The following CFAP20DC variants were observed in gnomAD, a reference collection of about 807,000 sequenced individuals.
CFAP20DC encodes the protein CFAP20 domain containing, also known as protein CFAP20DC.
Under a neutral mutation model 101.7 loss-of-function variants are expected in CFAP20DC, and 84 were observed. The ratio of observed to expected loss-of-function variants is 0.83; its 90% CI spans 0.69 to 0.99. The LOEUF is 0.99. Among genes scored for constraint, CFAP20DC ranks in the 50% least tolerant of loss-of-function variants. CFAP20DC has a pLI of 0.00. For synonymous variants in CFAP20DC, 359 were observed against 351.2 expected (o/e 1.02, Z -0.25); for missense variants, 1,007 against 970.3 (o/e 1.04, Z -0.50).
chr3:59,011,608 G>T (rs192130884), intron 4 of CFAP20DC, among the ~76,000 whole-genome samples: 1 of 151,822 alleles, frequency 6.6e-6, no homozygotes, highest in Admixed American at 6.6e-5. Context: ...AAATAACAAA[G>T]ATCAGAGCAG....
chr3:58,804,732 T>C (rs988235784), intron 15 of CFAP20DC, among the ~76,000 whole-genome samples: 1 of 152,146 alleles, frequency 6.6e-6, no homozygotes, highest in African/African-American at 2.4e-5. Flanking sequence ...TACTCACATA[T>C]AGAAAAAATA....
At chr3:58,968,574 ATTTG>A (rs1253074977) in intron 4 of CFAP20DC, among the ~76,000 whole-genome samples, 2 of 151,902 alleles carry the variant, frequency 1.3e-5, no homozygotes, top group Non-Finnish European at 2.9e-5. Flanking sequence ...TCTCTTGTAA[ATTTG>A]TTTAAGTTCC....
At chr3:58,952,566 T>C (rs1280979984) in intron 4 of CFAP20DC, among the ~76,000 whole-genome samples, 2 of 152,166 alleles carry the variant, frequency 1.3e-5, no homozygotes, top group African/African-American at 4.8e-5. Context: ...AAAACATAAG[T>C]GGCTCATAGA....
intron 15 of CFAP20DC, among the ~76,000 whole-genome samples, chr3:58,781,329 A>G (rs952312098): frequency 1.4e-4 from 22 of 152,026 alleles, no homozygotes; most frequent in Non-Finnish European, 2.8e-4. Context: ...TACATCAAAA[A>G]AGTAGCAAAT....
intron 16 of CFAP20DC, 144 bp downstream of exon 16, chr3:58,753,625 G>T: frequency 1.6e-6 from 1 of 612,994 alleles, no homozygotes. Context: ...TCTAAAAAAT[G>T]AGGCTCAGGT....
At chr3:58,750,355 A>G (rs1469969774) in intron 16 of CFAP20DC, among the ~76,000 whole-genome samples, 3 of 152,200 alleles carry the variant, frequency 2.0e-5, no homozygotes, top group African/African-American at 7.2e-5. Context: ...GGCTCAGCAC[A>G]TCACTGCACT....
chr3:58,945,823 A>G (rs1054928069), intron 4 of CFAP20DC, among the ~76,000 whole-genome samples: 1 of 150,068 alleles, frequency 6.7e-6, no homozygotes, highest in African/African-American at 2.5e-5. Flanking sequence ...CAGCCTCCCC[A>G]GTAACTAGGA....
Position 58,742,102 on chromosome 3 carries a change from A to G in CFAP20DC, c.*358T>C. 12 of 961,802 alleles carry G rather than the reference A, an allele frequency of 1.2e-5. No individual in the cohort carries two copies. Among genetic ancestry groups the G allele is most frequent in the Non-Finnish European group, 1.5e-5 (12 of 807,628 alleles). 59.6% of individuals were successfully genotyped at this position (961,802 alleles called of 1,614,324 possible). On this transcript the variant is annotated 3_prime_UTR_variant, in exon 17 of 17. Coordinates refer to ENST00000482387, the MANE Select transcript of CFAP20DC (RefSeq NM_001394063.1). ...AGCAAAAATACATTTTCTGTACATCAAGCCATCATTTACAGATTAACACTG... is the reference window on the plus strand; with the variant it reads ...AGCAAAAATACATTTTCTGTACATCGAGCCATCATTTACAGATTAACACTG...
At chr3:58,984,182 T>A (rs1381583590) in intron 4 of CFAP20DC, among the ~76,000 whole-genome samples, 1 of 152,200 alleles carries the variant, frequency 6.6e-6, no homozygotes, top group African/African-American at 2.4e-5. Context: ...TTAAATTTTC[T>A]CTACTTAGAT....
rs867732071 is a variant in CFAP20DC, at chr3:58,869,565, A to C, written c.853-75T>G. The C allele has an allele frequency of 1.6e-6, 2 of 1,222,928 alleles. No individual in the cohort carries two copies. Among genetic ancestry groups the C allele is most frequent in the Middle Eastern group, 4.0e-4 (2 of 4,994 alleles). 75.8% of individuals were successfully genotyped at this position (1,222,928 alleles called of 1,614,324 possible). A position where few individuals can be genotyped will look rare whatever the true frequency, so the allele number is the denominator to read the frequency against. The stretch of plus-strand genomic sequence containing the variant: ...TTTCTGTAGAAGCTATATAGAAAAC[A>C]TAATATTTGGACCAATGAAGAGTGA... On this transcript the variant is annotated intron_variant, in intron 8 of 16. Coordinates refer to ENST00000482387, the MANE Select transcript of CFAP20DC (RefSeq NM_001394063.1). This position sits in a 1 kb window ranked among gnomAD's most constrained non-coding sequence, Gnocchi z 4.3.
intron 4 of CFAP20DC, among the ~76,000 whole-genome samples, chr3:58,989,510 A>C (rs2092864089): frequency 6.6e-6 from 1 of 152,162 alleles, no homozygotes. Context: ...CAAAGATTTC[A>C]AGATTCATTA....
rs906498912 is a variant in CFAP20DC at position 58,912,316 on chromosome 3, G to C, written c.550+1392C>G. 6.6e-6 allele frequency among the ~76,000 whole-genome samples: 1 copy of C among 151,992 alleles called. No individual in the cohort carries two copies. Among genetic ancestry groups the C allele is most frequent in the African/African-American group, 2.4e-5 (1 of 41,306 alleles). On this transcript the variant is annotated intron_variant, in intron 6 of 16. Transcript: ENST00000482387. The surrounding 1 kb of genome is among the most constrained non-coding windows in gnomAD (Gnocchi z 4.4). ...TAAATTTTGAGGCTTCTTATTAGCT[G>C]GGTGCCATTTAAAAAAATGAAATCT...
At position 58,954,015 on chromosome 3, in the gene CFAP20DC, T is replaced by C. The variant is rs574537072; in HGVS notation, c.279-16253A>G. ...GAAAATGGGGTAGTTGACGGGAAAATCAACCTCATTTATAATAATATTCTA... is the reference window on the plus strand; with the variant it reads ...GAAAATGGGGTAGTTGACGGGAAAACCAACCTCATTTATAATAATATTCTA... On this transcript the variant is annotated intron_variant, in intron 4 of 16. Coordinates refer to ENST00000482387, the MANE Select transcript of CFAP20DC (RefSeq NM_001394063.1). 4.6e-5 allele frequency among the ~76,000 whole-genome samples: 7 copies of C among 152,276 alleles called. No homozygotes were observed. The East Asian group carries it at 1.4e-3, about 29-fold the overall frequency.
chr3:59,035,455 TA>T (rs1205202171), intron 4 of CFAP20DC, among the ~76,000 whole-genome samples: 4 of 151,858 alleles, frequency 2.6e-5, no homozygotes, highest in Non-Finnish European at 4.4e-5. Context: ...GCCAGACTAC[TA>T]AAGAAGAAAA....
intron 4 of CFAP20DC, among the ~76,000 whole-genome samples, chr3:58,954,405 T>G (rs2090438830): frequency 6.6e-6 from 1 of 152,236 alleles, no homozygotes; most frequent in African/African-American, 2.4e-5. Flanking sequence ...ATCTGTTCTT[T>G]AAGCCAAAAT....
rs1041807822 is a variant in CFAP20DC, at chr3:58,897,422, T to A, written c.551-12713A>T. Among the ~76,000 whole-genome samples, 3 of 152,234 alleles carry A rather than the reference T, an allele frequency of 2.0e-5. No homozygotes were observed. Among genetic ancestry groups the A allele is most frequent in the Admixed American group, 2.0e-4 (3 of 15,284 alleles). ...TGATCCTGTCAACATGATAGCTGGT[T>A]ATTTTGCAGATTTGTTTATGTGGTT... On this transcript the variant is annotated intron_variant, in intron 6 of 16. Coordinates refer to ENST00000482387, the MANE Select transcript of CFAP20DC (RefSeq NM_001394063.1). This position sits in a 1 kb window ranked among gnomAD's most constrained non-coding sequence, Gnocchi z 4.4.
chr3:59,015,950 T>C lies in CFAP20DC; in HGVS notation c.278+23607A>G, dbSNP rs921273411. ...TCCATATCTAAGCAGTACCAATGGA[T>C]GCCCAGGCTGGGACAAAATGCTGGG... On this transcript the variant is annotated intron_variant, in intron 4 of 16. Transcript: ENST00000482387. The surrounding 1 kb of genome is among the most constrained non-coding windows in gnomAD (Gnocchi z 5.4). Among the ~76,000 whole-genome samples the C allele has an allele frequency of 6.6e-6, 1 of 152,108 alleles. No individual in the cohort carries two copies. Among genetic ancestry groups the C allele is most frequent in the African/African-American group, 2.4e-5 (1 of 41,424 alleles).
intron 4 of CFAP20DC, among the ~76,000 whole-genome samples, chr3:58,980,989 A>C (rs1303513290): frequency 6.6e-6 from 1 of 152,204 alleles, no homozygotes; most frequent in Non-Finnish European, 1.5e-5. Flanking sequence ...CCTTAAGCTG[A>C]TAAGCAACTT....
At chr3:58,766,043 T>G (rs967521102) in intron 15 of CFAP20DC, among the ~76,000 whole-genome samples, 15 of 152,210 alleles carry the variant, frequency 9.9e-5, no homozygotes, top group African/African-American at 3.6e-4. Context: ...AAAGAACTTA[T>G]GCATCATGGG....
Sources: gnomAD v4.1 joint callset for allele counts (sites outside exome capture counted in the v4.1 genomes callset) on GRCh38, gnomAD v4.1.1 for gene constraint, Gnocchi (gnomAD v3.1) non-coding constraint, MANE v1.5 for transcripts, NCBI Gene and HGNC (gene_info 2026-07-23, HGNC 2026-07-21) for gene names.